MBNL2: variants seen among roughly 807,000 people sequenced by gnomAD.
The protein encoded by MBNL2 is muscleblind like splicing regulator 2.
Under a neutral mutation model 41.9 loss-of-function variants are expected in MBNL2, and 17 were observed. The observed-to-expected ratio is 0.41, with a 90% CI of 0.28 to 0.61. The LOEUF (loss-of-function observed/expected upper bound fraction) is 0.61. Among genes scored for constraint, MBNL2 ranks in the 20% least tolerant of loss-of-function variants. The pLI, the probability that MBNL2 is intolerant of heterozygous loss-of-function variation, is 0.35. For missense variants in MBNL2, 336 were observed against 505.6 expected (o/e 0.66, Z 3.22); for synonymous variants, 195 against 182.9 (o/e 1.07, Z -0.53).
chr13:97,282,228 A>C, intron 2 of MBNL2, among the ~76,000 whole-genome samples: 1 of 152,042 alleles, frequency 6.6e-6, no homozygotes, highest in East Asian at 1.9e-4. Context: ...GGTGGCATGC[A>C]CTTTTGATTC....
At chr13:97,202,934 G>A in the MBNL2 span, among the ~76,000 whole-genome samples, 10 of 152,168 alleles carry the variant, frequency 6.6e-5, no homozygotes, top group East Asian at 1.9e-4. Flanking sequence ...TGTTTATTGC[G>A]AAAGGAATTG....
chr13:97,223,542 G>A (rs2041123377), intron 1 of MBNL2, among the ~76,000 whole-genome samples: 1 of 152,120 alleles, frequency 6.6e-6, no homozygotes, highest in Non-Finnish European at 1.5e-5. Context: ...AAGCACTGAA[G>A]CGAAGAAAAA....
chr13:97,391,267 A>T lies in MBNL2; in HGVS notation c.1049-55A>T, dbSNP rs2066382237. On this transcript the variant is annotated intron_variant, in intron 8 of 8. Coordinates refer to ENST00000679496, the MANE Select transcript of MBNL2 (RefSeq NM_001382683.1). ...TTTTTGAAGAGTAAAACTTAAACTCATTATTTTTCCTCCCAGAAGGATACC... is the reference window on the plus strand; with the variant it reads ...TTTTTGAAGAGTAAAACTTAAACTCTTTATTTTTCCTCCCAGAAGGATACC... The T allele has an allele frequency of 3.8e-6, 3 of 798,162 alleles. No individual in the cohort carries two copies. The East Asian group carries it at 7.4e-5, about 20-fold the overall frequency. 49.4% of individuals were successfully genotyped at this position (798,162 alleles called of 1,614,324 possible). A position where few individuals can be genotyped will look rare whatever the true frequency, so the allele number is the denominator to read the frequency against.
chr13:97,236,151 G>A (rs1236089928), intron 1 of MBNL2, among the ~76,000 whole-genome samples: 4 of 151,842 alleles, frequency 2.6e-5, no homozygotes, highest in Admixed American at 6.6e-5. Context: ...TTTTTTTCAC[G>A]TATTCTTTCT....
intron 8 of MBNL2, among the ~76,000 whole-genome samples, chr13:97,376,542 T>G (rs180818267): frequency 9.8e-5 from 15 of 152,354 alleles, no homozygotes; most frequent in African/African-American, 3.4e-4. Flanking sequence ...ATAATCAAAT[T>G]ATATTATTCC....
the MBNL2 span, among the ~76,000 whole-genome samples, chr13:97,204,566 T>A: frequency 6.6e-6 from 1 of 152,222 alleles, no homozygotes; most frequent in Non-Finnish European, 1.5e-5. Context: ...TTTATTTGCA[T>A]AAATTGCTTA....
At chr13:97,173,238 T>C in the MBNL2 span, among the ~76,000 whole-genome samples, 589 of 152,250 alleles carry the variant, frequency 3.9e-3, 6 homozygotes, top group African/African-American at 0.014. Flanking sequence ...GAATCAAAGG[T>C]AAGACACTGA....
chr13:97,221,097 T>C (rs1178799855), upstream of MBNL2, among the ~76,000 whole-genome samples: 1 of 152,204 alleles, frequency 6.6e-6, no homozygotes, highest in East Asian at 1.9e-4. Flanking sequence ...GTTTTTAAGA[T>C]GCAATGGCAA....
At chr13:97,373,712 C>A (rs994248961) in intron 8 of MBNL2, among the ~76,000 whole-genome samples, 2 of 151,736 alleles carry the variant, frequency 1.3e-5, no homozygotes, top group African/African-American at 4.8e-5. Flanking sequence ...ATTAATTTTT[C>A]TCTTCAAGAA....
intron 2 of MBNL2, among the ~76,000 whole-genome samples, chr13:97,321,258 AG>A (rs2059476780): frequency 1.3e-5 from 2 of 152,228 alleles, no homozygotes; most frequent in Admixed American, 6.5e-5. Context: ...GCAGCCAATC[AG>A]AGTGCACCAC....
At chr13:97,237,162 G>A (rs191883175) in intron 1 of MBNL2, among the ~76,000 whole-genome samples, 3 of 152,326 alleles carry the variant, frequency 2.0e-5, no homozygotes, top group Admixed American at 6.5e-5. Context: ...TAGGAAGCAC[G>A]AGTTACCAAA....
At chr13:97,330,857 G>C (rs1553012) in intron 2 of MBNL2, among the ~76,000 whole-genome samples, 48,985 of 152,012 alleles carry the variant, frequency 0.32, 10,034 homozygotes, top group African/African-American at 0.59. Flanking sequence ...ATTCTGTTAC[G>C]TAGAGTCTCC....
intron 5 of MBNL2, among the ~76,000 whole-genome samples, chr13:97,354,401 C>T (rs1334865584): frequency 2.6e-5 from 4 of 152,174 alleles, no homozygotes; most frequent in Non-Finnish European, 5.9e-5. Flanking sequence ...TCTACACATA[C>T]CTGCTTCACA....
At chr13:97,142,524 C>T in the MBNL2 span, among the ~76,000 whole-genome samples, 1 of 152,244 alleles carries the variant, frequency 6.6e-6, no homozygotes, top group African/African-American at 2.4e-5. Context: ...CATACCTCCA[C>T]ACATAGTGTG....
chr13:97,371,695 C>G (rs2064399121), intron 8 of MBNL2, among the ~76,000 whole-genome samples: 1 of 152,154 alleles, frequency 6.6e-6, no homozygotes, highest in African/African-American at 2.4e-5. Flanking sequence ...GAGGTTTTAA[C>G]AAGAGCCTAA....
chr13:97,280,312 A>G (rs1279397477), intron 2 of MBNL2, among the ~76,000 whole-genome samples: 2 of 152,326 alleles, frequency 1.3e-5, no homozygotes, highest in East Asian at 3.9e-4. Flanking sequence ...TTTAATGCTT[A>G]TTAAGACTAA....
At chr13:97,165,363 C>G in the MBNL2 span, among the ~76,000 whole-genome samples, 9 of 152,180 alleles carry the variant, frequency 5.9e-5, no homozygotes, top group Admixed American at 2.0e-4. Context: ...CATTTCATCT[C>G]TATCTGTGAC....
intron 2 of MBNL2, among the ~76,000 whole-genome samples, chr13:97,299,217 T>C (rs1208244269): frequency 6.6e-6 from 1 of 152,190 alleles, no homozygotes. Flanking sequence ...TCTGTGTTAA[T>C]TTCTTCTCTG....
chr13:97,382,719 G>C (rs2065583288), intron 8 of MBNL2, among the ~76,000 whole-genome samples: 1 of 148,752 alleles, frequency 6.7e-6, no homozygotes, highest in Admixed American at 6.7e-5. Context: ...CTGTCACCGA[G>C]GCTGGAGTGC....
Sources: allele counts gnomAD v4.1 joint callset (sites outside exome capture counted in the v4.1 genomes callset), GRCh38; gene constraint gnomAD v4.1.1; transcripts MANE v1.5; gene names NCBI Gene and HGNC (gene_info 2026-07-23, HGNC 2026-07-21).